The following DNAI7 variants were observed in gnomAD, a reference collection of about 807,000 sequenced individuals.
DNAI7 encodes cancer susceptibility 1.
A neutral mutation model predicts 86.6 loss-of-function variants in DNAI7; 78 were observed. That is an observed-to-expected ratio of 0.90 (90% confidence interval 0.75 to 1.09). The LOEUF (loss-of-function observed/expected upper bound fraction) is 1.09. Among genes scored for constraint, DNAI7 ranks in the 50% least tolerant of loss-of-function variants. The probability of loss-of-function intolerance (pLI) is 0.00; values close to 1 mark genes in which losing one functional copy is unlikely to be tolerated. For missense variants in DNAI7, 753 were observed against 810.2 expected (o/e 0.93, Z 0.86); for synonymous variants, 274 against 273.0 (o/e 1.00, Z -0.04).
chr12:25,131,537 C>T (rs1356716419), intron 9 of DNAI7, among the ~76,000 whole-genome samples: 1 of 152,102 alleles, frequency 6.6e-6, no homozygotes, highest in Admixed American at 6.6e-5. Context: ...CATACTATGC[C>T]GGATCACTAA....
chr12:25,108,495 G>A lies in DNAI7; in HGVS notation c.*53C>T, dbSNP rs551726471. On this transcript the variant is annotated 3_prime_UTR_variant, in exon 16 of 16. Transcript: ENST00000395987. ...ATTACATTGTGTTGCAGAAATACCT[G>A]TCTTTCACCATGCTTGGTTCTTCAT... The A allele has an allele frequency of 2.7e-6, 4 of 1,475,600 alleles. No homozygotes were observed. Among genetic ancestry groups the A allele is most frequent in the Middle Eastern group, 1.8e-4 (1 of 5,688 alleles). The allele number at this position is 1,475,600 out of a possible 1,614,324, so 91.4% of individuals were successfully genotyped here. A position where few individuals can be genotyped will look rare whatever the true frequency, so the allele number is the denominator to read the frequency against.
rs142239126 is a variant in DNAI7 at position 25,187,745 on chromosome 12, A to G, written c.21+2869T>C. On this transcript the variant is annotated intron_variant, in intron 2 of 15. Coordinates refer to ENST00000395987, the MANE Select transcript of DNAI7 (RefSeq NM_018272.5). Reference sequence around the variant, plus strand: ...GCCAAAACAAAAAGGTCCCCAAGGTATACTTACTCCATTGAACCTAAGATG... The same window carrying G: ...GCCAAAACAAAAAGGTCCCCAAGGTGTACTTACTCCATTGAACCTAAGATG... 3.2e-4 allele frequency among the ~76,000 whole-genome samples: 49 copies of G among 152,338 alleles called. 1 individual carries two copies. In the East Asian group the frequency reaches 6.7e-3, roughly 21 times the overall value.
chr12:25,173,714 A>G (rs1948389886), intron 2 of DNAI7, among the ~76,000 whole-genome samples: 2 of 151,874 alleles, frequency 1.3e-5, no homozygotes, highest in Non-Finnish European at 2.9e-5. Flanking sequence ...ATGCCCATCA[A>G]TCAACAAGTA....
intron 2 of DNAI7, among the ~76,000 whole-genome samples, chr12:25,170,469 A>C (rs150068651): frequency 6.6e-6 from 1 of 152,162 alleles, no homozygotes; most frequent in Admixed American, 6.5e-5. Flanking sequence ...GAGCTCCCAA[A>C]TTTATAAAAA....
intron 9 of DNAI7, among the ~76,000 whole-genome samples, chr12:25,135,631 G>A (rs531478719): frequency 6.6e-6 from 1 of 152,132 alleles, no homozygotes; most frequent in Non-Finnish European, 1.5e-5. Context: ...CCTACTCACT[G>A]GTTGCCTGGA....
Position 25,108,324 on chromosome 12 carries a change from T to C in DNAI7, c.*224A>G, listed in dbSNP as rs567144750. ...TAAAGTTTATTGAAATAAAGAATCA[T>C]TTAAATCTTCATAGAGTGAAAGCTG... On this transcript the variant is annotated 3_prime_UTR_variant, in exon 16 of 16. Transcript: ENST00000395987. 1.1e-5 allele frequency: 6 copies of C among 545,332 alleles called. No individual in the cohort carries two copies. The East Asian group carries it at 1.8e-4, about 16-fold the overall frequency. 33.8% of individuals were successfully genotyped at this position (545,332 alleles called of 1,614,324 possible).
intron 2 of DNAI7, among the ~76,000 whole-genome samples, chr12:25,165,957 C>T (rs1232326360): frequency 6.6e-6 from 1 of 152,158 alleles, no homozygotes; most frequent in East Asian, 1.9e-4. Flanking sequence ...TCCTGGGCTA[C>T]AGCCACACCT....
chr12:25,139,131 T>C (rs1335380694), intron 9 of DNAI7, among the ~76,000 whole-genome samples: 1 of 151,882 alleles, frequency 6.6e-6, no homozygotes, highest in African/African-American at 2.4e-5. Context: ...TTCCTGGAAA[T>C]ATACACCTCT....
chr12:25,117,567 T>A (rs1389448403), intron 12 of DNAI7, among the ~76,000 whole-genome samples: 1 of 152,140 alleles, frequency 6.6e-6, no homozygotes, highest in Non-Finnish European at 1.5e-5. Flanking sequence ...ATACATTAAC[T>A]CACCAGACCA....
At chr12:25,138,882 C>CA (rs35705308) in intron 9 of DNAI7, among the ~76,000 whole-genome samples, 52,878 of 141,620 alleles carry the variant, frequency 0.37, 10,978 homozygotes, top group East Asian at 0.76. Flanking sequence ...GAAATTGAAA[C>CA]AAAAAAAAAA....
chr12:25,120,195 C>G (rs1940970130), intron 11 of DNAI7, among the ~76,000 whole-genome samples: 1 of 151,798 alleles, frequency 6.6e-6, no homozygotes, highest in South Asian at 2.1e-4. Flanking sequence ...GGAAATACTT[C>G]TCAAAAACAA....
At chr12:25,152,205 T>G (rs1178093238) in intron 6 of DNAI7, among the ~76,000 whole-genome samples, 1 of 152,234 alleles carries the variant, frequency 6.6e-6, no homozygotes, top group Non-Finnish European at 1.5e-5. Context: ...CTTTTCAACC[T>G]CACCTGAGTT....
intron 9 of DNAI7, among the ~76,000 whole-genome samples, chr12:25,140,024 C>T (rs1042907350): frequency 1.3e-5 from 2 of 152,036 alleles, no homozygotes; most frequent in Non-Finnish European, 2.9e-5. Flanking sequence ...TCAGCAAAAT[C>T]GGCATAGAAG....
intron 2 of DNAI7, among the ~76,000 whole-genome samples, chr12:25,164,821 G>C (rs564824142): frequency 6.6e-6 from 1 of 151,868 alleles, no homozygotes; most frequent in Non-Finnish European, 1.5e-5. Context: ...TCACCAGGCC[G>C]AGCTAGGTCA....
At chr12:25,189,990 A>T (rs80148975) in intron 2 of DNAI7, among the ~76,000 whole-genome samples, 16 of 4,660 alleles carry the variant, frequency 3.4e-3, no homozygotes, top group Admixed American at 0.016. Flanking sequence ...CAACTGATTT[A>T]AAAAAAAAAA....
intron 2 of DNAI7, among the ~76,000 whole-genome samples, chr12:25,170,355 C>A (rs1948003578): frequency 6.6e-6 from 1 of 151,018 alleles, no homozygotes; most frequent in Non-Finnish European, 1.5e-5. Flanking sequence ...TGCGCCACTG[C>A]ACTCCAGCTT....
At chr12:25,163,993 G>A (rs954194952) in intron 2 of DNAI7, among the ~76,000 whole-genome samples, 1 of 152,180 alleles carries the variant, frequency 6.6e-6, no homozygotes, top group African/African-American at 2.4e-5. Flanking sequence ...TAATCACGTG[G>A]GGATGGCTGC....
Position 25,130,807 on chromosome 12 carries a change from A to G in DNAI7, c.1003-7521T>C, listed in dbSNP as rs182211200. Among the ~76,000 whole-genome samples, 14 of 152,190 alleles carry G rather than the reference A, an allele frequency of 9.2e-5. No individual in the cohort carries two copies. The East Asian group carries it at 2.3e-3, about 25-fold the overall frequency. ...AAGTTTGCATGATATAGTAATTGGG[A>G]AGACAGTATTACCCAATACCTATAA... On this transcript the variant is annotated intron_variant, in intron 9 of 15. Transcript: ENST00000395987.
chr12:25,169,861 A>G (rs1281120832), intron 2 of DNAI7, among the ~76,000 whole-genome samples: 1 of 151,622 alleles, frequency 6.6e-6, no homozygotes, highest in Non-Finnish European at 1.5e-5. Flanking sequence ...AAAAAAAAAA[A>G]AAAGAAAAAA....
Sources: allele counts gnomAD v4.1 joint callset (sites outside exome capture counted in the v4.1 genomes callset), GRCh38; gene constraint gnomAD v4.1.1; transcripts MANE v1.5; gene names NCBI Gene and HGNC (gene_info 2026-07-23, HGNC 2026-07-21).